HDLBP: variants seen among roughly 807,000 people sequenced by gnomAD.
HDLBP encodes the protein high density lipoprotein binding protein, also known as vigilin.
A neutral mutation model predicts 137.3 loss-of-function variants in HDLBP; 30 were observed. The observed-to-expected ratio is 0.22, with a 90% CI of 0.16 to 0.30. The LOEUF (loss-of-function observed/expected upper bound fraction) is 0.30, where lower values mean the gene tolerates loss of function less well. HDLBP is among the 10% of genes least tolerant of loss of function. HDLBP has a pLI of 1.00. For missense variants in HDLBP, 1,119 were observed against 1,667.3 expected (o/e 0.67, Z 5.73); for synonymous variants, 606 against 596.0 (o/e 1.02, Z -0.24).
At chr2:241,301,482 A>G (rs1286733289) in intron 1 of HDLBP, among the ~76,000 whole-genome samples, 2 of 152,208 alleles carry the variant, frequency 1.3e-5, no homozygotes, top group African/African-American at 4.8e-5. Context: ...CTACAAAATA[A>G]AACACATTCG....
chr2:241,314,779 G>T (rs1283301960), intron 1 of HDLBP, among the ~76,000 whole-genome samples: 2 of 152,186 alleles, frequency 1.3e-5, no homozygotes, highest in Non-Finnish European at 2.9e-5. Context: ...CTAGCAACAT[G>T]CCACGGTGTC....
chr2:241,230,794 C>T lies in HDLBP; in HGVS notation c.3439G>A (p.Gly1147Ser). Residue 1147 changes from glycine (G) to serine (S), a missense_variant, in exon 25 of 28, where the codon GGC becomes AGC. Physicochemically the swap from Gly to Ser is moderately conservative, Grantham distance 56. This residue lies in a region of HDLBP where 618 missense variants were observed against 816.7 expected (regional missense o/e 0.76). Transcript: ENST00000310931. This position sits in a 1 kb window ranked among gnomAD's most constrained non-coding sequence, Gnocchi z 5.0. ...TCCATGATTTTGCGAATGGCTTTGC[C>T]GCGGGCACCAATGATGCGGGCGTGA... ...RVHARIIGAR[G>S]KAIRKIMDEF... The T allele has an allele frequency of 1.2e-6, 2 of 1,614,240 alleles. No individual in the cohort carries two copies. Among genetic ancestry groups the T allele is most frequent in the Non-Finnish European group, 1.7e-6 (2 of 1,180,036 alleles).
rs138368981 is a variant in HDLBP at position 241,308,794 on chromosome 2, A to G, written c.-103+6776T>C. 5.0e-3 allele frequency among the ~76,000 whole-genome samples: 759 copies of G among 152,282 alleles called. 6 individuals carry two copies. Among genetic ancestry groups the G allele is most frequent in the African/African-American group, 0.017 (727 of 41,544 alleles). ...TACTTGCCTCCTACAGGTGACAGGA[A>G]AAGTAAGAAATGTCGTGAATGGTGT... On this transcript the variant is annotated intron_variant, in intron 1 of 27. Transcript: ENST00000310931.
At chr2:241,293,825 G>A (rs1259557831) in intron 1 of HDLBP, among the ~76,000 whole-genome samples, 3 of 150,004 alleles carry the variant, frequency 2.0e-5, no homozygotes, top group South Asian at 2.1e-4. Context: ...GGGAGGCTGC[G>A]GCAGGAAGAT....
At chr2:241,260,075 C>T (rs1478745829) in intron 5 of HDLBP, among the ~76,000 whole-genome samples, 1 of 152,198 alleles carries the variant, frequency 6.6e-6, no homozygotes, top group African/African-American at 2.4e-5. Context: ...ATGATCTTGG[C>T]TCACTGCAAC....
At chr2:241,251,381 C>T (rs1011735755) in intron 11 of HDLBP, among the ~76,000 whole-genome samples, 3 of 152,342 alleles carry the variant, frequency 2.0e-5, no homozygotes, top group African/African-American at 2.4e-5. Flanking sequence ...GTCGCTGTCA[C>T]GTAAAATGCC....
At chr2:241,247,925 G>A in intron 14 of HDLBP, 78 bp downstream of exon 14, 1 of 962,986 alleles carries the variant, frequency 1.0e-6, no homozygotes, top group Non-Finnish European at 1.7e-6. Context: ...GTCCTGTGGG[G>A]GTCAGGACTT....
At chr2:241,232,703 AC>A (rs1034062768) in intron 24 of HDLBP, among the ~76,000 whole-genome samples, 1 of 152,122 alleles carries the variant, frequency 6.6e-6, no homozygotes, top group Admixed American at 6.5e-5. Flanking sequence ...AGTCCCAGCT[AC>A]TTGGGAGGTT....
At chr2:241,267,700 A>G in intron 2 of HDLBP, 2 of 1,535,240 alleles carry the variant, frequency 1.3e-6, no homozygotes, top group Non-Finnish European at 1.7e-6. Flanking sequence ...AGGTGGTTAT[A>G]AGTGGTAGCT....
rs2074167677 is a variant in HDLBP, at chr2:241,272,546, C to T, written c.-102-4005G>A. 2.0e-6 allele frequency: 2 copies of T among 984,452 alleles called. No individual in the cohort carries two copies. The highest frequency in any genetic ancestry group is 3.5e-5 in the African/African-American group (2 of 57,088). 61.0% of individuals were successfully genotyped at this position (984,452 alleles called of 1,614,324 possible). On this transcript the variant is annotated intron_variant, in intron 1 of 27. Transcript: ENST00000310931. The surrounding 1 kb of genome is among the most constrained non-coding windows in gnomAD (Gnocchi z 5.6). ...GCCACGCGCAGAAGAGACTCGGAGC[C>T]GGCCCCAGGTCTGGCCCGGAACCGC... is the stretch of plus-strand genomic sequence containing the variant.
At position 241,273,232 on chromosome 2, in the gene HDLBP, C is replaced by G. The variant is rs540138259; in HGVS notation, c.-102-4691G>C. The G allele has an allele frequency of 9.1e-6, 9 of 985,524 alleles. 1 individual carries two copies. The South Asian group carries it at 3.8e-4, about 41-fold the overall frequency. The allele number at this position is 985,524 out of a possible 1,614,324, so 61.0% of individuals were successfully genotyped here. A position where few individuals can be genotyped will look rare whatever the true frequency, so the allele number is the denominator to read the frequency against. ...GCCACACTGGCACGAGGTCCTACAGCGCAGTGAGGCTCCCAGGCGGCTCCA... is the reference window on the plus strand; with the variant it reads ...GCCACACTGGCACGAGGTCCTACAGGGCAGTGAGGCTCCCAGGCGGCTCCA... On this transcript the variant is annotated intron_variant, in intron 1 of 27. Transcript: ENST00000310931.
intron 1 of HDLBP, among the ~76,000 whole-genome samples, chr2:241,279,192 T>C (rs2074508626): frequency 6.6e-6 from 1 of 152,166 alleles, no homozygotes; most frequent in Non-Finnish European, 1.5e-5. Context: ...CTCCCCTAAT[T>C]AGACTAGAAA....
chr2:241,263,055 G>GGGATA, intron 4 of HDLBP, 129 bp from the exon 5 acceptor site: 1 of 690,300 alleles, frequency 1.4e-6, no homozygotes, highest in Admixed American at 2.6e-5. Flanking sequence ...GGCACTGCTC[G>GGGATA]AAGCCCTGGG....
intron 14 of HDLBP, 199 bp from the exon 15 acceptor site, chr2:241,247,341 T>C (rs550178749): frequency 1.7e-6 from 1 of 590,294 alleles, no homozygotes; most frequent in African/African-American, 1.9e-5. Context: ...AGTCAATCGA[T>C]GCAAGTCTAC....
At chr2:241,251,578 C>T (rs1199496072) in intron 11 of HDLBP, among the ~76,000 whole-genome samples, 1 of 152,246 alleles carries the variant, frequency 6.6e-6, no homozygotes, top group East Asian at 1.9e-4. Flanking sequence ...GACGTGCTTG[C>T]CTTCTCACCT....
At chr2:241,235,395 G>A in intron 22 of HDLBP, 95 bp downstream of exon 22, 1 of 1,466,168 alleles carries the variant, frequency 6.8e-7, no homozygotes, top group South Asian at 1.2e-5. Flanking sequence ...GCAGGAGGAG[G>A]CAGAGTCAAC....
intron 1 of HDLBP, among the ~76,000 whole-genome samples, chr2:241,279,044 A>T (rs1439163850): frequency 9.2e-6 from 1 of 108,978 alleles, no homozygotes; most frequent in African/African-American, 3.4e-5. Flanking sequence ...CCTCTAAAAA[A>T]ATTTTTTAAA....
chr2:241,297,971 C>T (rs183859760), intron 1 of HDLBP, among the ~76,000 whole-genome samples: 3 of 140,670 alleles, frequency 2.1e-5, no homozygotes, highest in African/African-American at 7.9e-5. Context: ...TCACTTGAAC[C>T]CAGGAGGCAG....
chr2:241,240,028 T>C lies in HDLBP; in HGVS notation c.2264A>G (p.Asp755Gly). 1.2e-6 allele frequency: 2 copies of C among 1,614,206 alleles called. No individual in the cohort carries two copies. The highest frequency in any genetic ancestry group is 1.7e-6 in the Non-Finnish European group (2 of 1,180,050). ...GAAGATGACACGTGCTCCAGTGCTG[T>C]CGCGCACCTTGCGAATTTTGCCGCC... is the stretch of plus-strand genomic sequence containing the variant. ...KGGGKIRKVR[D>G]STGARVIFPA... The change falls in exon 18 of 28, where the codon GAC becomes GGC. Residue 755 changes from aspartate (D) to glycine (G), a missense_variant. Physicochemically the swap from Asp to Gly is moderately conservative, Grantham distance 94. This residue lies in a region of HDLBP where 618 missense variants were observed against 816.7 expected (regional missense o/e 0.76). Transcript: ENST00000310931. This position sits in a 1 kb window ranked among gnomAD's most constrained non-coding sequence, Gnocchi z 5.5.
Sources: gnomAD v4.1 joint callset for allele counts (sites outside exome capture counted in the v4.1 genomes callset) on GRCh38, gnomAD v4.1.1 for gene constraint, gnomAD v4.1.1 regional missense constraint, Gnocchi (gnomAD v3.1) non-coding constraint, MANE v1.5 for transcripts, NCBI Gene and HGNC (gene_info 2026-07-23, HGNC 2026-07-21) for gene names.